RABIF: variants seen among roughly 807,000 people sequenced by gnomAD.
RABIF encodes guanine nucleotide exchange factor MSS4.
In RABIF, 13 loss-of-function variants were observed where a neutral mutation model predicts 12.3. The ratio of observed to expected loss-of-function variants is 1.06; its 90% CI spans 0.69 to 1.68. The LOEUF is 1.68. RABIF is among the 40% of genes most tolerant of loss of function. The probability of loss-of-function intolerance (pLI) is 0.00; values close to 1 mark genes in which losing one functional copy is unlikely to be tolerated. For synonymous variants in RABIF, 70 were observed against 63.3 expected (o/e 1.11, Z -0.50); for missense variants, 153 against 158.0 (o/e 0.97, Z 0.17).
intron 1 of RABIF, among the ~76,000 whole-genome samples, chr1:202,881,891 G>C (rs1271162629): frequency 6.6e-6 from 1 of 152,188 alleles, no homozygotes; most frequent in Non-Finnish European, 1.5e-5. Flanking sequence ...CTCCTCCTCA[G>C]TAGTCAGCTC....
At chr1:202,882,173 A>C (rs1355294203) in intron 1 of RABIF, among the ~76,000 whole-genome samples, 42 of 152,140 alleles carry the variant, frequency 2.8e-4, no homozygotes, top group Admixed American at 2.7e-3. Flanking sequence ...TGAGCTCAGG[A>C]GTTCAAGACC....
intron 1 of RABIF, among the ~76,000 whole-genome samples, chr1:202,881,870 G>A (rs77421880): frequency 0.027 from 4,131 of 152,242 alleles, 109 homozygotes; most frequent in South Asian, 0.12. Flanking sequence ...CTCAGATCTT[G>A]GTATGGCTAG....
At chr1:202,888,036 T>C (rs1003184366) in intron 1 of RABIF, among the ~76,000 whole-genome samples, 3 of 152,200 alleles carry the variant, frequency 2.0e-5, no homozygotes, top group Non-Finnish European at 2.9e-5. Flanking sequence ...CCTTTTTTCC[T>C]CCTTTGATGA....
intron 1 of RABIF, among the ~76,000 whole-genome samples, chr1:202,887,656 C>A (rs1002574776): frequency 6.6e-6 from 1 of 151,952 alleles, no homozygotes; most frequent in Non-Finnish European, 1.5e-5. Flanking sequence ...TGCCACCACC[C>A]CCAACTAATT....
At position 202,889,046 on chromosome 1, in the gene RABIF, C is replaced by T. The variant is rs748084446; in HGVS notation, c.53G>A (p.Arg18Gln). 2 of 1,610,798 alleles carry T rather than the reference C, an allele frequency of 1.2e-6. No individual in the cohort carries two copies. The highest frequency in any genetic ancestry group is 3.4e-5 in the Admixed American group (2 of 59,590). Residue 18 changes from arginine (R) to glutamine (Q), a missense_variant, in exon 1 of 2, where the codon CGG becomes CAG. Transcript: ENST00000367262. ...GCAACGCTGGCACAGCACCGCCTTC[C>T]GGTTTCGGCCCTCGGCTGACACTAA... Reference protein sequence around the residue: ...SELVSAEGRNRKAVLCQRCGS... With the variant: ...SELVSAEGRNQKAVLCQRCGS...
At chr1:202,882,410 G>A (rs778923771) in intron 1 of RABIF, among the ~76,000 whole-genome samples, 5 of 152,070 alleles carry the variant, frequency 3.3e-5, no homozygotes, top group Non-Finnish European at 7.4e-5. Flanking sequence ...AAAAAAATTA[G>A]CTGGGTATGG....
Position 202,879,459 on chromosome 1 carries a change from G to A in RABIF, c.*1519C>T, listed in dbSNP as rs4950885. The A allele has an allele frequency of 0.58, 88,807 of 152,194 alleles. 26,600 individuals carry two copies. Among genetic ancestry groups the A allele is most frequent in the Non-Finnish European group, 0.66 (44,608 of 68,006 alleles). 9.4% of individuals were successfully genotyped at this position (152,194 alleles called of 1,614,324 possible). A position where few individuals can be genotyped will look rare whatever the true frequency, so the allele number is the denominator to read the frequency against. ...TCTGGCTTGTGATGTGAGGGGCCAT[G>A]TGCCCCTAGAGGCATCTACTTGGGT... On this transcript the variant is annotated 3_prime_UTR_variant, in exon 2 of 2. Coordinates refer to ENST00000367262, the MANE Select transcript of RABIF (RefSeq NM_002871.5).
Position 202,879,007 on chromosome 1 carries a change from G to A in RABIF, c.*1971C>T, listed in dbSNP as rs1659450207. 2 of 152,152 alleles carry A rather than the reference G, an allele frequency of 1.3e-5. No individual in the cohort carries two copies. The highest frequency in any genetic ancestry group is 4.1e-4 in the South Asian group (2 of 4,834). 9.4% of individuals were successfully genotyped at this position (152,152 alleles called of 1,614,324 possible). A position where few individuals can be genotyped will look rare whatever the true frequency, so the allele number is the denominator to read the frequency against. On this transcript the variant is annotated 3_prime_UTR_variant, in exon 2 of 2. Coordinates refer to ENST00000367262, the MANE Select transcript of RABIF (RefSeq NM_002871.5). ...TCTTTCAGATCAAACTGAAAAGGCA[G>A]AATAGCAACCTGATATTTTTGGCTA...
intron 1 of RABIF, 113 bp downstream of exon 1, chr1:202,888,860 C>G (rs181147326): frequency 3.2e-5 from 45 of 1,396,100 alleles, no homozygotes; most frequent in Non-Finnish European, 3.5e-5. Context: ...GGCTTAAGGC[C>G]GCGCGAGGAG....
At chr1:202,884,806 C>A (rs533445785) in intron 1 of RABIF, among the ~76,000 whole-genome samples, 6 of 152,150 alleles carry the variant, frequency 3.9e-5, no homozygotes, top group African/African-American at 1.4e-4. Flanking sequence ...TTGTTCGGGC[C>A]GGGCACAGTG....
At position 202,880,917 on chromosome 1, in the gene RABIF, G is replaced by C; in HGVS notation, c.*61C>G. On this transcript the variant is annotated 3_prime_UTR_variant, in exon 2 of 2. Coordinates refer to ENST00000367262, the MANE Select transcript of RABIF (RefSeq NM_002871.5). ...GCGGAACAGTTATACCACATTAAAG[G>C]CCAGTTCTTGTGGGGAGTAGGTTTA... The C allele has an allele frequency of 6.3e-7, 1 of 1,590,452 alleles. No individual in the cohort carries two copies. The highest frequency in any genetic ancestry group is 8.6e-7 in the Non-Finnish European group (1 of 1,166,536).
At chr1:202,888,212 A>G (rs2102398663) in intron 1 of RABIF, among the ~76,000 whole-genome samples, 1 of 152,344 alleles carries the variant, frequency 6.6e-6, no homozygotes, top group Middle Eastern at 3.4e-3. Context: ...GCACTTCAAC[A>G]CAGTTTACCG....
intron 1 of RABIF, among the ~76,000 whole-genome samples, chr1:202,885,463 C>G (rs992999878): frequency 6.6e-6 from 1 of 152,246 alleles, no homozygotes; most frequent in Non-Finnish European, 1.5e-5. Flanking sequence ...GCAGGCTTAA[C>G]GGCTGGGAGC....
intron 1 of RABIF, among the ~76,000 whole-genome samples, chr1:202,885,495 A>G (rs982620446): frequency 6.6e-6 from 1 of 152,224 alleles, no homozygotes; most frequent in Non-Finnish European, 1.5e-5. Flanking sequence ...ACCTGCAGAG[A>G]TGAGTAACAG....
Position 202,889,110 on chromosome 1 carries a change from C to A in RABIF, c.-12G>T, listed in dbSNP as rs1659613001. On this transcript the variant is annotated 5_prime_UTR_variant, in exon 1 of 2. Coordinates refer to ENST00000367262, the MANE Select transcript of RABIF (RefSeq NM_002871.5). The stretch of plus-strand genomic sequence containing the variant: ...TCCGCTGGTTCCATCGCCGCTGCCG[C>A]CACAGGCTCCTCAGCCACGGCTGCG... 1 of 1,599,944 alleles carries A rather than the reference C, an allele frequency of 6.3e-7. No individual in the cohort carries two copies. Among genetic ancestry groups the A allele is most frequent in the Non-Finnish European group, 8.5e-7 (1 of 1,173,240 alleles).
intron 1 of RABIF, among the ~76,000 whole-genome samples, chr1:202,886,573 A>T (rs1003808019): frequency 1.1e-4 from 16 of 152,038 alleles, no homozygotes; most frequent in Admixed American, 9.2e-4. Flanking sequence ...CGACAGAGGG[A>T]GACTCCATCT....
At chr1:202,888,899 G>A (rs1222406778) in intron 1 of RABIF, 74 bp downstream of exon 1, 1 of 1,436,152 alleles carries the variant, frequency 7.0e-7, no homozygotes, top group Admixed American at 2.9e-5. Flanking sequence ...TGAAGAGCCG[G>A]GGTTCAGATT....
chr1:202,887,802 CCTAA>C (rs375572515), intron 1 of RABIF, among the ~76,000 whole-genome samples: 16 of 152,286 alleles, frequency 1.1e-4, no homozygotes, highest in South Asian at 8.3e-4. Context: ...CCGCGCCCAG[CCTAA>C]CTGTTTTAAT....
At chr1:202,888,652 G>A (rs879344296) in intron 1 of RABIF, among the ~76,000 whole-genome samples, 3 of 152,186 alleles carry the variant, frequency 2.0e-5, no homozygotes, top group Admixed American at 6.5e-5. Flanking sequence ...CGCGCCCGCG[G>A]AGCACCGGCC....
Sources: allele counts gnomAD v4.1 joint callset (sites outside exome capture counted in the v4.1 genomes callset), GRCh38; gene constraint gnomAD v4.1.1; transcripts MANE v1.5; gene names NCBI Gene and HGNC (gene_info 2026-07-23, HGNC 2026-07-21).